SRPX: variants seen among roughly 807,000 people sequenced by gnomAD.
The protein encoded by SRPX is sushi repeat containing protein X-linked, also known as sushi repeat-containing protein SRPX.
Under a neutral mutation model 38.1 loss-of-function variants are expected in SRPX, and 24 were observed. The observed-to-expected ratio is 0.63, with a 90% CI of 0.46 to 0.89. The LOEUF (loss-of-function observed/expected upper bound fraction) is 0.89. Among genes scored for constraint, SRPX ranks in the 40% least tolerant of loss-of-function variants. The pLI is 0.00. For synonymous variants in SRPX, 184 were observed against 153.8 expected, an observed-to-expected ratio of 1.20 and a Z score of -1.45; for missense variants, 416 against 377.8, an observed-to-expected ratio of 1.10 and a Z score of -0.84.
chrX:38,189,948 C>A (rs891191173), intron 1 of SRPX, among the ~76,000 whole-genome samples: 1 of 112,036 alleles, frequency 8.9e-6, no homozygotes, highest in Non-Finnish European at 1.9e-5. Flanking sequence ...CCATCAATAT[C>A]AGAATGAGAC....
chrX:38,168,217 G>C (rs1268108106), intron 4 of SRPX, among the ~76,000 whole-genome samples: 1 of 112,278 alleles, frequency 8.9e-6, no homozygotes, highest in Non-Finnish European at 1.9e-5. Context: ...GCCAGTTCCA[G>C]ACCTAGGCCC....
At chrX:38,173,114 C>G (rs1602447951) in intron 3 of SRPX, among the ~76,000 whole-genome samples, 1 of 112,353 alleles carries the variant, frequency 8.9e-6, no homozygotes, top group South Asian at 3.7e-4. Context: ...AGCCTTGAAA[C>G]CTCAGTTTCC....
chrX:38,179,927 G>A (rs1454149922), intron 1 of SRPX, among the ~76,000 whole-genome samples: 3 of 111,244 alleles, frequency 2.7e-5, no homozygotes, highest in Middle Eastern at 4.6e-3. Context: ...ATAACATAGT[G>A]AGAACCCATC....
rs146165325 is a variant in SRPX at position 38,172,045 on chromosome X, G to A, written c.362C>T (p.Pro121Leu). The A allele has an allele frequency of 4.1e-6, 5 of 1,205,551 alleles. No individual in the cohort carries two copies. In the African/African-American group the frequency reaches 7.0e-5, roughly 17 times the overall value. ...DKVICKQKRC[P>L]TLAMPANGGF... The stretch of plus-strand genomic sequence containing the variant: ...TCCATTTGCTGGCATGGCAAGGGTA[G>A]GACATCGCTTTTCTGAAAATGAGAA... Residue 121 changes from proline to leucine, a missense_variant, in exon 4 of 10, where the codon CCT becomes CTT. Coordinates refer to ENST00000378533, the MANE Select transcript of SRPX (RefSeq NM_006307.5).
At chrX:38,183,125 C>A (rs1196519842) in intron 1 of SRPX, among the ~76,000 whole-genome samples, 1 of 108,004 alleles carries the variant, frequency 9.3e-6, no homozygotes, top group Non-Finnish European at 1.9e-5. Context: ...ATGATCCCGG[C>A]TTACTGCAGC....
chrX:38,220,662 C>T (rs750469448), intron 1 of SRPX, 34 bp downstream of exon 1: 9 of 1,187,025 alleles, frequency 7.6e-6, no homozygotes, highest in South Asian at 1.8e-5. Context: ...TCTTTGGTGC[C>T]CAGCTGAGGA....
At chrX:38,162,024 T>C (rs1283810691) in intron 5 of SRPX, among the ~76,000 whole-genome samples, 1 of 112,206 alleles carries the variant, frequency 8.9e-6, no homozygotes, top group African/African-American at 3.2e-5. Context: ...GAGAGGGGTC[T>C]TGGGAAAATG....
At chrX:38,208,809 C>G (rs1052448612) in intron 1 of SRPX, among the ~76,000 whole-genome samples, 2 of 107,363 alleles carry the variant, frequency 1.9e-5, no homozygotes, top group African/African-American at 6.8e-5. Flanking sequence ...CCCTGAGTAG[C>G]CGGGACTACA....
At chrX:38,165,660 C>T (rs1231570608) in intron 4 of SRPX, among the ~76,000 whole-genome samples, 2 of 112,083 alleles carry the variant, frequency 1.8e-5, no homozygotes, top group East Asian at 2.8e-4. Context: ...CAATCTAAGT[C>T]GGAGCACTTG....
chrX:38,217,763 TACGAGG>T (rs1175702748), intron 1 of SRPX, among the ~76,000 whole-genome samples: 1 of 112,097 alleles, frequency 8.9e-6, no homozygotes, highest in Admixed American at 9.4e-5. Context: ...TTGGTTATGG[TACGAGG>T]ACTGATGAGG....
intron 1 of SRPX, among the ~76,000 whole-genome samples, chrX:38,209,821 CA>C (rs1183284536): frequency 8.9e-6 from 1 of 112,046 alleles, no homozygotes; most frequent in Non-Finnish European, 1.9e-5. Flanking sequence ...GCTTTCGTCT[CA>C]AAAAAACTTC....
intron 1 of SRPX, among the ~76,000 whole-genome samples, chrX:38,185,778 A>G (rs908492800): frequency 1.8e-5 from 2 of 109,717 alleles, no homozygotes; most frequent in Admixed American, 2.0e-4. Context: ...TTGACTTAGG[A>G]AGGCAGAGAC....
intron 1 of SRPX, among the ~76,000 whole-genome samples, chrX:38,180,413 A>T (rs946873454): frequency 9.0e-6 from 1 of 111,485 alleles, no homozygotes; most frequent in African/African-American, 3.3e-5. Context: ...GGTCCTTTAC[A>T]TATCTCCAGA....
At position 38,154,513 on chromosome X, in the gene SRPX, A is replaced by G. The variant is rs1247960573; in HGVS notation, c.1160T>C (p.Ile387Thr). 5.0e-6 allele frequency: 6 copies of G among 1,205,668 alleles called. No homozygotes were observed. Among genetic ancestry groups the G allele is most frequent in the South Asian group, 1.8e-5 (1 of 55,733 alleles). The change falls in exon 9 of 10, where the codon ATT (isoleucine) becomes ACT (threonine). Residue 387 changes from isoleucine to threonine, a missense_variant. Transcript: ENST00000378533. Reference protein sequence around the residue: ...VELVGVFPTLIGRIGAKIMPP... With the variant: ...VELVGVFPTLTGRIGAKIMPP... Reference sequence around the variant, plus strand: ...CATAATCTTTGCTCCTATCCTGCCAATGAGAGTCGGGAACACACCCACCAG... The same window carrying G: ...CATAATCTTTGCTCCTATCCTGCCAGTGAGAGTCGGGAACACACCCACCAG...
chrX:38,208,811 G>A (rs1601872864), intron 1 of SRPX, among the ~76,000 whole-genome samples: 1 of 107,083 alleles, frequency 9.3e-6, no homozygotes. Flanking sequence ...CTGAGTAGCC[G>A]GGACTACAGG....
At chrX:38,193,536 A>T (rs762956131) in intron 1 of SRPX, among the ~76,000 whole-genome samples, 1 of 112,184 alleles carries the variant, frequency 8.9e-6, no homozygotes, top group South Asian at 3.7e-4. Context: ...GCAGGCAGCA[A>T]ATGGGAAACA....
intron 1 of SRPX, among the ~76,000 whole-genome samples, chrX:38,200,519 G>A (rs1055829120): frequency 1.8e-5 from 2 of 111,920 alleles, no homozygotes; most frequent in Admixed American, 1.9e-4. Flanking sequence ...AGGAGGAGAA[G>A]TCTATTCAGC....
At chrX:38,166,189 T>C (rs1938361097) in intron 4 of SRPX, among the ~76,000 whole-genome samples, 1 of 112,686 alleles carries the variant, frequency 8.9e-6, no homozygotes, top group Non-Finnish European at 1.9e-5. Context: ...CAGATGTCTT[T>C]GAGAGACTAA....
intron 1 of SRPX, among the ~76,000 whole-genome samples, chrX:38,191,457 G>A (rs1411939801): frequency 3.6e-5 from 4 of 111,438 alleles, no homozygotes; most frequent in Non-Finnish European, 7.5e-5. Flanking sequence ...GATTAGAATA[G>A]GGGAAAATAG....
Sources: allele counts gnomAD v4.1 joint callset (sites outside exome capture counted in the v4.1 genomes callset), GRCh38; gene constraint gnomAD v4.1.1; transcripts MANE v1.5; gene names NCBI Gene and HGNC (gene_info 2026-07-23, HGNC 2026-07-21).